The following ALCAM variants were observed in gnomAD, a reference collection of about 807,000 sequenced individuals.
The protein encoded by ALCAM is activated leukocyte cell adhesion molecule.
Under a neutral mutation model 70.9 loss-of-function variants are expected in ALCAM, and 30 were observed. The observed-to-expected ratio is 0.42, with a 90% CI of 0.32 to 0.57. ALCAM has a LOEUF of 0.57. ALCAM is among the 20% of genes least tolerant of loss of function. ALCAM has a pLI of 0.11. For synonymous variants in ALCAM, 249 were observed against 242.5 expected (o/e 1.03, Z -0.25); for missense variants, 591 against 695.1 (o/e 0.85, Z 1.68).
At chr3:105,500,883 A>G (rs1362007378) in intron 1 of ALCAM, among the ~76,000 whole-genome samples, 2 of 152,214 alleles carry the variant, frequency 1.3e-5, no homozygotes, top group East Asian at 3.8e-4. Flanking sequence ...TTATCTGCCA[A>G]CCTCAACCAT....
intron 11 of ALCAM, among the ~76,000 whole-genome samples, chr3:105,547,985 GAGA>G (rs1559830160): frequency 6.6e-6 from 1 of 151,356 alleles, no homozygotes; most frequent in Non-Finnish European, 1.5e-5. Context: ...AGGAATGGTG[GAGA>G]AGAACACAGT....
chr3:105,476,180 C>T (rs1938102981), intron 1 of ALCAM, among the ~76,000 whole-genome samples: 1 of 152,032 alleles, frequency 6.6e-6, no homozygotes, highest in African/African-American at 2.4e-5. Flanking sequence ...TAATCCAACA[C>T]AGGGCACAAT....
At chr3:105,437,675 C>T (rs1370544546) in intron 1 of ALCAM, among the ~76,000 whole-genome samples, 1 of 151,562 alleles carries the variant, frequency 6.6e-6, no homozygotes, top group Non-Finnish European at 1.5e-5. Flanking sequence ...TCTGATTGTA[C>T]ATTTTTTTTC....
intron 15 of ALCAM, among the ~76,000 whole-genome samples, chr3:105,573,156 G>A (rs1049501057): frequency 4.0e-5 from 6 of 151,886 alleles, no homozygotes; most frequent in South Asian, 2.1e-4. Flanking sequence ...GAAACCCTGC[G>A]TCTCTACTAA....
intron 1 of ALCAM, among the ~76,000 whole-genome samples, chr3:105,488,941 C>T (rs954924270): frequency 1.4e-4 from 21 of 152,168 alleles, no homozygotes; most frequent in African/African-American, 5.1e-4. Context: ...ACTTATGATT[C>T]ATGATACTAA....
At chr3:105,465,934 C>T (rs1937718091) in intron 1 of ALCAM, among the ~76,000 whole-genome samples, 1 of 151,270 alleles carries the variant, frequency 6.6e-6, no homozygotes, top group Admixed American at 6.6e-5. Flanking sequence ...ACAGTTGTTG[C>T]CCTAGAAGCA....
intron 1 of ALCAM, among the ~76,000 whole-genome samples, chr3:105,447,277 A>T (rs775968900): frequency 6.6e-6 from 1 of 152,210 alleles, no homozygotes; most frequent in Non-Finnish European, 1.5e-5. Context: ...TGTATCCTAA[A>T]TACTAAAAAA....
intron 1 of ALCAM, among the ~76,000 whole-genome samples, chr3:105,438,635 C>T (rs1268833234): frequency 6.6e-6 from 1 of 152,098 alleles, no homozygotes; most frequent in Non-Finnish European, 1.5e-5. Flanking sequence ...TTGAATTTTA[C>T]AAGTGTCACT....
intron 6 of ALCAM, among the ~76,000 whole-genome samples, chr3:105,536,779 G>C (rs1939980361): frequency 6.6e-6 from 1 of 152,112 alleles, no homozygotes; most frequent in African/African-American, 2.4e-5. Context: ...AGGTTGTAAG[G>C]GTAAAAGTCT....
chr3:105,566,164 T>C (rs1340630691), intron 14 of ALCAM, among the ~76,000 whole-genome samples: 2 of 152,198 alleles, frequency 1.3e-5, no homozygotes, highest in African/African-American at 4.8e-5. Flanking sequence ...CTGGAACATA[T>C]GTGGATTTTG....
At chr3:105,558,630 C>T (rs892399739) in intron 14 of ALCAM, among the ~76,000 whole-genome samples, 2 of 152,106 alleles carry the variant, frequency 1.3e-5, no homozygotes, top group Non-Finnish European at 2.9e-5. Context: ...CAAAAAAGGT[C>T]TTAAATCTTC....
At chr3:105,386,187 T>C (rs753988705) in intron 1 of ALCAM, among the ~76,000 whole-genome samples, 7 of 151,636 alleles carry the variant, frequency 4.6e-5, no homozygotes, top group Non-Finnish European at 8.9e-5. Flanking sequence ...AGGTGACTTC[T>C]CAAATTCTGA....
At chr3:105,485,396 T>TGTGTGC (rs397990703) in intron 1 of ALCAM, among the ~76,000 whole-genome samples, 1,918 of 143,396 alleles carry the variant, frequency 0.013, 32 homozygotes, top group African/African-American at 0.046. Context: ...TGTGTGTGTG[T>TGTGTGC]GCGCGCACAT....
chr3:105,491,382 C>T (rs903103686), intron 1 of ALCAM, among the ~76,000 whole-genome samples: 3 of 152,202 alleles, frequency 2.0e-5, no homozygotes, highest in South Asian at 2.1e-4. Flanking sequence ...ACATTTGGCT[C>T]TTCATTACTT....
At chr3:105,461,834 C>G (rs1038249798) in intron 1 of ALCAM, among the ~76,000 whole-genome samples, 6 of 151,544 alleles carry the variant, frequency 4.0e-5, no homozygotes, top group Admixed American at 4.0e-4. Flanking sequence ...TATTGAGCAC[C>G]TACTGTGTGC....
chr3:105,499,889 C>T (rs1362650407), intron 1 of ALCAM, among the ~76,000 whole-genome samples: 1 of 152,210 alleles, frequency 6.6e-6, no homozygotes, highest in Non-Finnish European at 1.5e-5. Context: ...TAGGAATCCT[C>T]AGGGAGAACT....
At chr3:105,377,257 AG>A (rs1372466532) in intron 1 of ALCAM, among the ~76,000 whole-genome samples, 1 of 152,140 alleles carries the variant, frequency 6.6e-6, no homozygotes, top group African/African-American at 2.4e-5. Context: ...CTGGAAGTTT[AG>A]GTTGTTTCCA....
At chr3:105,486,244 G>A (rs1371464165) in intron 1 of ALCAM, among the ~76,000 whole-genome samples, 1 of 152,046 alleles carries the variant, frequency 6.6e-6, no homozygotes, top group Non-Finnish European at 1.5e-5. Flanking sequence ...TGAATGAAGA[G>A]CCTAATATAG....
At chr3:105,495,519 A>T (rs1938711001) in intron 1 of ALCAM, among the ~76,000 whole-genome samples, 1 of 152,230 alleles carries the variant, frequency 6.6e-6, no homozygotes, top group Non-Finnish European at 1.5e-5. Context: ...TGGTTCAAAA[A>T]AATGACATAT....
Sources: allele counts gnomAD v4.1 joint callset (sites outside exome capture counted in the v4.1 genomes callset), GRCh38; gene constraint gnomAD v4.1.1; transcripts MANE v1.5; gene names NCBI Gene and HGNC (gene_info 2026-07-23, HGNC 2026-07-21).